Variants in BRD10 observed in about 807,000 individuals in gnomAD.
The protein encoded by BRD10 is uncharacterized bromodomain-containing protein 10.
the BRD10 span, among the ~76,000 whole-genome samples, chr9:5,983,962 T>TACACACAC: frequency 0.032 from 4,203 of 129,624 alleles, 131 homozygotes; most frequent in African/African-American, 0.069. Flanking sequence ...GTATATGCAT[T>TACACACAC]ACACACACAC....
the BRD10 span, among the ~76,000 whole-genome samples, chr9:5,925,907 T>A: frequency 1.3e-5 from 2 of 152,292 alleles, no homozygotes; most frequent in African/African-American, 4.8e-5. Context: ...CATGAACATA[T>A]GTTCTCCATT....
At chr9:5,921,847 G>C in the BRD10 span, 4 of 1,613,850 alleles carry the variant, frequency 2.5e-6, no homozygotes, top group African/African-American at 5.3e-5. Flanking sequence ...CTATCACGTG[G>C]CCCAAATCAC....
the BRD10 span, among the ~76,000 whole-genome samples, chr9:5,893,471 C>G: frequency 1.3e-5 from 2 of 152,180 alleles, no homozygotes; most frequent in African/African-American, 2.4e-5. Context: ...AACAAAGGCA[C>G]TGAGGAAGAG....
chr9:5,888,848 G>A, the BRD10 span, among the ~76,000 whole-genome samples: 19 of 152,234 alleles, frequency 1.2e-4, no homozygotes, highest in South Asian at 3.1e-3. Context: ...TTTAAAAAAC[G>A]GTCTTTTTGA....
At chr9:5,988,728 TCA>T in the BRD10 span, among the ~76,000 whole-genome samples, 1 of 151,996 alleles carries the variant, frequency 6.6e-6, no homozygotes, top group Non-Finnish European at 1.5e-5. Context: ...TGTCATAAAA[TCA>T]GAGTGACAGT....
At chr9:5,964,462 T>G in the BRD10 span, among the ~76,000 whole-genome samples, 1 of 148,736 alleles carries the variant, frequency 6.7e-6, no homozygotes, top group Non-Finnish European at 1.5e-5. Flanking sequence ...TTGGTGGGAC[T>G]GTAAACTAGT....
At chr9:5,942,048 A>G in the BRD10 span, among the ~76,000 whole-genome samples, 1 of 152,084 alleles carries the variant, frequency 6.6e-6, no homozygotes, top group African/African-American at 2.4e-5. Context: ...ATAATGGAAT[A>G]TATCTTGTTA....
At chr9:5,990,887 CAACAG>C in the BRD10 span, among the ~76,000 whole-genome samples, 2 of 152,104 alleles carry the variant, frequency 1.3e-5, no homozygotes, top group Admixed American at 6.5e-5. Flanking sequence ...GGAATTTATC[CAACAG>C]ATGTAATTCA....
At chr9:5,955,456 C>T in the BRD10 span, among the ~76,000 whole-genome samples, 1 of 152,096 alleles carries the variant, frequency 6.6e-6, no homozygotes, top group Non-Finnish European at 1.5e-5. Context: ...TGCTCCTTTC[C>T]AAACATTTTC....
At chr9:5,959,719 T>A in the BRD10 span, among the ~76,000 whole-genome samples, 1 of 152,198 alleles carries the variant, frequency 6.6e-6, no homozygotes, top group African/African-American at 2.4e-5. Flanking sequence ...GGCCTGGAAA[T>A]AATCAAACAC....
chr9:5,926,888 GAAT>G, the BRD10 span, among the ~76,000 whole-genome samples: 6 of 151,998 alleles, frequency 3.9e-5, no homozygotes, highest in Admixed American at 2.0e-4. Context: ...TTACAAATGA[GAAT>G]AATAATAGTA....
chr9:5,977,628 A>G, the BRD10 span, among the ~76,000 whole-genome samples: 1 of 152,142 alleles, frequency 6.6e-6, no homozygotes, highest in Admixed American at 6.5e-5. Context: ...TGGGCAGATC[A>G]CGAGGTCAGG....
the BRD10 span, among the ~76,000 whole-genome samples, chr9:5,956,170 A>G: frequency 6.6e-6 from 1 of 152,146 alleles, no homozygotes; most frequent in African/African-American, 2.4e-5. Context: ...TAAGCACAAC[A>G]GAGGTCACCC....
the BRD10 span, among the ~76,000 whole-genome samples, chr9:5,935,993 C>T: frequency 2.0e-4 from 31 of 152,166 alleles, no homozygotes; most frequent in East Asian, 5.0e-3. Context: ...TCATTATGAA[C>T]GAGTTATTTT....
At chr9:5,902,611 A>C in the BRD10 span, among the ~76,000 whole-genome samples, 1 of 151,658 alleles carries the variant, frequency 6.6e-6, no homozygotes, top group South Asian at 2.1e-4. Flanking sequence ...CTAGGACTAC[A>C]GCTAGCTACC....
the BRD10 span, chr9:5,920,769 G>C: frequency 7.4e-6 from 12 of 1,613,972 alleles, no homozygotes; most frequent in East Asian, 2.2e-4. Context: ...ACCGTAACAG[G>C]AATTTGCAAA....
At chr9:5,990,462 G>A in the BRD10 span, among the ~76,000 whole-genome samples, 6 of 152,054 alleles carry the variant, frequency 3.9e-5, no homozygotes, top group Admixed American at 3.9e-4. Flanking sequence ...GAGAAAAATG[G>A]CAAGTTATAT....
the BRD10 span, among the ~76,000 whole-genome samples, chr9:5,914,470 C>T: frequency 8.9e-6 from 1 of 112,242 alleles, no homozygotes; most frequent in Non-Finnish European, 1.6e-5. Context: ...GTCACCCAGG[C>T]TGGAGAGCAG....
the BRD10 span, among the ~76,000 whole-genome samples, chr9:5,971,714 AGAGTTTTATG>A: frequency 6.6e-6 from 1 of 152,288 alleles, no homozygotes; most frequent in East Asian, 1.9e-4. Flanking sequence ...AAATGTGCTT[AGAGTTTTATG>A]GAGTTTTATT....
Sources: gnomAD v4.1 joint callset for allele counts (sites outside exome capture counted in the v4.1 genomes callset) on GRCh38, gnomAD v4.1.1 for gene constraint, MANE v1.5 for transcripts, NCBI Gene and HGNC (gene_info 2026-07-23, HGNC 2026-07-21) for gene names.